Variants in PRKAR1B observed in about 807,000 individuals in gnomAD.
The protein encoded by PRKAR1B is protein kinase cAMP-dependent type I regulatory subunit beta, also known as cAMP-dependent protein kinase type I-beta regulatory subunit.
In PRKAR1B, 22 loss-of-function variants were observed where a neutral mutation model predicts 46.5. The observed-to-expected ratio is 0.47, with a 90% CI of 0.34 to 0.68. The LOEUF (loss-of-function observed/expected upper bound fraction) is 0.68, where lower values mean the gene tolerates loss of function less well. PRKAR1B is among the 30% of genes least tolerant of loss of function. PRKAR1B has a pLI of 0.01. For missense variants in PRKAR1B, 445 were observed against 535.6 expected, an observed-to-expected ratio of 0.83 and a Z score of 1.67; for synonymous variants, 259 against 217.7, an observed-to-expected ratio of 1.19 and a Z score of -1.67.
chr7:618,053 C>T (rs1782929488), intron 4 of PRKAR1B, among the ~76,000 whole-genome samples: 1 of 152,172 alleles, frequency 6.6e-6, no homozygotes, highest in Non-Finnish European at 1.5e-5. Flanking sequence ...CCACCAAACC[C>T]AGGACCAGTG....
At chr7:555,344 G>C (rs1778365409) in intron 9 of PRKAR1B, among the ~76,000 whole-genome samples, 1 of 152,182 alleles carries the variant, frequency 6.6e-6, no homozygotes, top group African/African-American at 2.4e-5. Context: ...ACGCTGTCTG[G>C]ATGCAAGAGC....
chr7:606,143 C>G (rs745401468), intron 6 of PRKAR1B, 50 bp downstream of exon 6: 2 of 1,585,880 alleles, frequency 1.3e-6, no homozygotes, highest in East Asian at 2.2e-5. Flanking sequence ...GTCTTCACAC[C>G]GGACATGCAA....
At chr7:629,961 G>A (rs1165820610) in intron 4 of PRKAR1B, among the ~76,000 whole-genome samples, 1,339 of 87,196 alleles carry the variant, frequency 0.015, 3 homozygotes, top group African/African-American at 0.059. Context: ...CTCCCAGGGC[G>A]CCACCACCCC....
chr7:622,674 T>C (rs1020266265), intron 4 of PRKAR1B, among the ~76,000 whole-genome samples: 1 of 152,114 alleles, frequency 6.6e-6, no homozygotes, highest in African/African-American at 2.4e-5. Context: ...CAGAGGCACA[T>C]ATGCACCAAC....
At chr7:592,289 C>T (rs1232183662) in intron 7 of PRKAR1B, among the ~76,000 whole-genome samples, 1 of 152,242 alleles carries the variant, frequency 6.6e-6, no homozygotes, top group Non-Finnish European at 1.5e-5. Flanking sequence ...GGTCGAGGCT[C>T]GGGGACCCTC....
At chr7:612,818 C>T (rs533344885) in intron 4 of PRKAR1B, among the ~76,000 whole-genome samples, 2 of 149,542 alleles carry the variant, frequency 1.3e-5, no homozygotes, top group South Asian at 2.1e-4. Flanking sequence ...CGAAGCACTG[C>T]CAGCAACAGA....
chr7:639,331 G>A (rs1174532972), intron 4 of PRKAR1B, among the ~76,000 whole-genome samples: 1 of 152,162 alleles, frequency 6.6e-6, no homozygotes, highest in African/African-American at 2.4e-5. Flanking sequence ...AAGTCAATGG[G>A]GAAAGAAAGA....
chr7:631,231 G>A (rs558835074), intron 4 of PRKAR1B, among the ~76,000 whole-genome samples: 12 of 152,338 alleles, frequency 7.9e-5, no homozygotes, highest in South Asian at 4.1e-4. Flanking sequence ...GATGACAGGC[G>A]TGAGCCGCCG....
At chr7:719,053 TC>T (rs1255071972) in intron 1 of PRKAR1B, among the ~76,000 whole-genome samples, 3 of 151,796 alleles carry the variant, frequency 2.0e-5, no homozygotes, top group Admixed American at 6.6e-5. Flanking sequence ...TTTTTCTTTT[TC>T]TTTTGAGAAG....
chr7:725,426 G>A (rs1430169758), intron 1 of PRKAR1B, among the ~76,000 whole-genome samples: 1 of 152,172 alleles, frequency 6.6e-6, no homozygotes, highest in Non-Finnish European at 1.5e-5. Flanking sequence ...TCGCGTTCTA[G>A]GCTGGGCTCA....
At position 658,625 on chromosome 7, in the gene PRKAR1B, G is replaced by T. The variant is rs548682675; in HGVS notation, c.440+18604C>A. ...AGCCACTCTTCTTTCATATACTTTT[G>T]AAGTTTTCCACGATAAAATGTTTTT... On this transcript the variant is annotated intron_variant, in intron 4 of 10. Transcript: ENST00000537384. Among the ~76,000 whole-genome samples, 12 of 152,218 alleles carry T rather than the reference G, an allele frequency of 7.9e-5. No homozygotes were observed. The South Asian group carries it at 2.3e-3, about 29-fold the overall frequency.
intron 9 of PRKAR1B, among the ~76,000 whole-genome samples, chr7:568,607 C>T (rs147402457): frequency 0.015 from 2,272 of 152,332 alleles, 21 homozygotes; most frequent in Non-Finnish European, 0.023. Flanking sequence ...GAGGGAATGT[C>T]CACAACCCAC....
intron 6 of PRKAR1B, among the ~76,000 whole-genome samples, chr7:604,136 G>A (rs897725824): frequency 2.0e-5 from 3 of 152,188 alleles, no homozygotes; most frequent in Middle Eastern, 3.2e-3. Context: ...TCAGGCCCTG[G>A]TGTCTGGATA....
rs773154465 is a variant in PRKAR1B, at chr7:607,416, G to A, written c.477C>T (p.Ile159=). The A allele has an allele frequency of 4.5e-5, 72 of 1,613,824 alleles. No individual in the cohort carries two copies. Among genetic ancestry groups the A allele is most frequent in the Non-Finnish European group, 5.8e-5 (68 of 1,179,876 alleles). Reference sequence around the variant, plus strand: ...CTTGCTGTATAACAGTCTCCCCAGCGATGTGAGTGACAGGGAACATGGCAT... The same window carrying A: ...CTTGCTGTATAACAGTCTCCCCAGCAATGTGAGTGACAGGGAACATGGCAT... ...IFDAMFPVTH[I]AGETVIQQGN... The change falls in exon 5 of 11, where the codon ATC becomes ATT. Residue 159 remains isoleucine (I), a synonymous_variant. Transcript: ENST00000537384.
chr7:722,873 G>A (rs1197381393), intron 1 of PRKAR1B, among the ~76,000 whole-genome samples: 2 of 152,204 alleles, frequency 1.3e-5, no homozygotes, highest in Non-Finnish European at 2.9e-5. Flanking sequence ...CCAGGCAGTT[G>A]CTCTGTTCAG....
At chr7:710,936 G>A (rs1057126449) in intron 2 of PRKAR1B, among the ~76,000 whole-genome samples, 1 of 152,118 alleles carries the variant, frequency 6.6e-6, no homozygotes, top group African/African-American at 2.4e-5. Flanking sequence ...GAGCTACCCC[G>A]TGGGAGCTAT....
At chr7:721,208 C>T (rs1351709960) in intron 1 of PRKAR1B, among the ~76,000 whole-genome samples, 1 of 152,154 alleles carries the variant, frequency 6.6e-6, no homozygotes, top group Non-Finnish European at 1.5e-5. Context: ...ACATCACACA[C>T]CACATGAGTG....
At chr7:720,596 A>G (rs1583461651) in intron 1 of PRKAR1B, among the ~76,000 whole-genome samples, 1 of 152,254 alleles carries the variant, frequency 6.6e-6, no homozygotes, top group Non-Finnish European at 1.5e-5. Flanking sequence ...GTCAACTGCA[A>G]CAGCAGGCTT....
intron 4 of PRKAR1B, among the ~76,000 whole-genome samples, chr7:657,300 G>GATGGATGA (rs1554299028): frequency 0.018 from 2,397 of 130,246 alleles, 59 homozygotes; most frequent in Non-Finnish European, 0.028. Context: ...TGGATGGATG[G>GATGGATGA]ATGAATGAAT....
Sources: gnomAD v4.1 joint callset for allele counts (sites outside exome capture counted in the v4.1 genomes callset) on GRCh38, gnomAD v4.1.1 for gene constraint, MANE v1.5 for transcripts, NCBI Gene and HGNC (gene_info 2026-07-23, HGNC 2026-07-21) for gene names.